MRPL13: variants seen among roughly 807,000 people sequenced by gnomAD.
MRPL13 encodes large ribosomal subunit protein uL13m.
MRPL13 carries 33 observed loss-of-function variants against 29.0 expected under a neutral mutation model. That is an observed-to-expected ratio of 1.14 (90% CI 0.86 to 1.52). MRPL13 has a LOEUF of 1.52. MRPL13 is among the 40% of genes most tolerant of loss of function. The probability of loss-of-function intolerance (pLI) is 0.00; values close to 1 mark genes in which losing one functional copy is unlikely to be tolerated. For missense variants in MRPL13, 227 were observed against 216.7 expected (o/e 1.05, Z -0.30); for synonymous variants, 77 against 68.4 (o/e 1.13, Z -0.62).
chr8:120,399,333 C>A (rs954514654), intron 6 of MRPL13, among the ~76,000 whole-genome samples: 1 of 152,108 alleles, frequency 6.6e-6, no homozygotes, highest in African/African-American at 2.4e-5. Flanking sequence ...AGATTGGGGG[C>A]CAATTTTCAA....
intron 4 of MRPL13, among the ~76,000 whole-genome samples, chr8:120,424,037 GA>G (rs913785772): frequency 1.3e-5 from 2 of 149,706 alleles, no homozygotes; most frequent in African/African-American, 4.9e-5. Flanking sequence ...AGAAAGGAGA[GA>G]AAAAAAAATC....
In MRPL13 at chr8:120,445,074, C is replaced by T. The variant is rs142551534; in HGVS notation, c.21G>A (p.Ala7=). The change falls in exon 1 of 7, where the codon GCG becomes GCA. Residue 7 remains alanine (A), a synonymous_variant. Coordinates refer to ENST00000306185, the MANE Select transcript of MRPL13 (RefSeq NM_014078.6). ...CATAAGAGTCCGAGCTCACCTGGGG[C>T]GCCCTAGAGAAACTCGACATATTCC... The part of the protein sequence containing the change: MSSFSR[A]PQQWATFARI... The T allele has an allele frequency of 1.2e-6, 2 of 1,613,836 alleles. No individual in the cohort carries two copies. The highest frequency in any genetic ancestry group is 1.3e-5 in the African/African-American group (1 of 74,880).
chr8:120,408,864 C>T (rs898577617), intron 6 of MRPL13, among the ~76,000 whole-genome samples: 5 of 152,210 alleles, frequency 3.3e-5, no homozygotes, highest in Non-Finnish European at 7.3e-5. Context: ...AATCCGTGCT[C>T]TCTTCTAGAG....
chr8:120,406,246 T>G (rs1265455372), intron 6 of MRPL13, among the ~76,000 whole-genome samples: 1 of 152,222 alleles, frequency 6.6e-6, no homozygotes, highest in Non-Finnish European at 1.5e-5. Context: ...TTTAGACATG[T>G]AATACAAAGT....
chr8:120,428,565 G>A (rs955437978), intron 3 of MRPL13, among the ~76,000 whole-genome samples: 2 of 152,100 alleles, frequency 1.3e-5, no homozygotes, highest in African/African-American at 4.8e-5. Context: ...CCTACAGAAT[G>A]GGAGAAAATT....
At chr8:120,431,290 T>C (rs1259679335) in intron 3 of MRPL13, among the ~76,000 whole-genome samples, 3 of 152,144 alleles carry the variant, frequency 2.0e-5, no homozygotes, top group Non-Finnish European at 1.5e-5. Context: ...TACACTTAAT[T>C]AAATGTGCAC....
intron 6 of MRPL13, among the ~76,000 whole-genome samples, chr8:120,407,271 G>A (rs1812680503): frequency 6.6e-6 from 1 of 152,138 alleles, no homozygotes; most frequent in Admixed American, 6.6e-5. Context: ...GGAGATTTTA[G>A]TTTGTATTAT....
At chr8:120,426,300 T>C (rs1812931444) in intron 3 of MRPL13, among the ~76,000 whole-genome samples, 1 of 152,126 alleles carries the variant, frequency 6.6e-6, no homozygotes, top group South Asian at 2.1e-4. Context: ...TTTTTCCATA[T>C]GTTCCCTTCA....
Position 120,429,718 on chromosome 8 carries a change from C to T in MRPL13, c.245+2312G>A, listed in dbSNP as rs1392155506. Among the ~76,000 whole-genome samples the T allele has an allele frequency of 2.0e-5, 3 of 152,106 alleles. No homozygotes were observed. The East Asian group carries it at 5.8e-4, about 29-fold the overall frequency. ...TGTATATACAGTTATCCCTCTCCATCTGTGGAGGACTAGTTCCAGGACCTC... is the reference window on the plus strand; with the variant it reads ...TGTATATACAGTTATCCCTCTCCATTTGTGGAGGACTAGTTCCAGGACCTC... On this transcript the variant is annotated intron_variant, in intron 3 of 6. Transcript: ENST00000306185.
At chr8:120,402,781 T>C (rs1165500189) in intron 6 of MRPL13, among the ~76,000 whole-genome samples, 1 of 151,942 alleles carries the variant, frequency 6.6e-6, no homozygotes, top group African/African-American at 2.4e-5. Flanking sequence ...GCATCTACAA[T>C]GAACTTAGGC....
At chr8:120,413,375 A>G (rs556209451) in intron 6 of MRPL13, among the ~76,000 whole-genome samples, 16 of 152,294 alleles carry the variant, frequency 1.1e-4, no homozygotes, top group African/African-American at 3.4e-4. Context: ...GAAGTGTACG[A>G]TGAGAACCCA....
At chr8:120,408,261 C>G (rs1488024766) in intron 6 of MRPL13, among the ~76,000 whole-genome samples, 2 of 152,010 alleles carry the variant, frequency 1.3e-5, no homozygotes, top group African/African-American at 4.8e-5. Context: ...AAATTTTTGC[C>G]AAATGATTTT....
intron 6 of MRPL13, among the ~76,000 whole-genome samples, chr8:120,409,511 C>T (rs1812717489): frequency 6.6e-6 from 1 of 151,936 alleles, no homozygotes; most frequent in African/African-American, 2.4e-5. Context: ...TTTAAAGCTA[C>T]AATCTTAAGC....
At chr8:120,400,341 T>C (rs897697219) in intron 6 of MRPL13, among the ~76,000 whole-genome samples, 2 of 152,052 alleles carry the variant, frequency 1.3e-5, no homozygotes, top group African/African-American at 4.8e-5. Flanking sequence ...ACCACACAAC[T>C]ATATGGAAAC....
At chr8:120,426,757 C>T (rs925625170) in intron 3 of MRPL13, among the ~76,000 whole-genome samples, 5 of 152,100 alleles carry the variant, frequency 3.3e-5, no homozygotes, top group African/African-American at 1.2e-4. Flanking sequence ...GTTTTAAATG[C>T]TAGCCAAGGG....
rs1158467072 is a variant in MRPL13 at position 120,432,128 on chromosome 8, A to G, written c.152-5T>C. On this transcript the variant is annotated splice_polypyrimidine_tract_variant and splice_region_variant and intron_variant, in intron 2 of 6. Transcript: ENST00000306185. ...CAACATGATCCCCACAGTCACCTACATTTTAAAAAGAAACAAGATTTTGTA... is the reference window on the plus strand; with the variant it reads ...CAACATGATCCCCACAGTCACCTACGTTTTAAAAAGAAACAAGATTTTGTA... 3 of 1,555,646 alleles carry G rather than the reference A, an allele frequency of 1.9e-6. No individual in the cohort carries two copies. The highest frequency in any genetic ancestry group is 2.5e-5 in the South Asian group (2 of 79,366).
intron 6 of MRPL13, among the ~76,000 whole-genome samples, chr8:120,407,812 T>A (rs375998743): frequency 3.5e-3 from 526 of 152,238 alleles, no homozygotes; most frequent in African/African-American, 0.012. Flanking sequence ...CTCAAAAAAA[T>A]TTTTTTCTTC....
intron 6 of MRPL13, among the ~76,000 whole-genome samples, chr8:120,413,640 G>T (rs1399178785): frequency 6.6e-6 from 1 of 152,130 alleles, no homozygotes; most frequent in Non-Finnish European, 1.5e-5. Context: ...CTTTTCATTA[G>T]ATAATATTTT....
intron 6 of MRPL13, among the ~76,000 whole-genome samples, chr8:120,400,459 T>C (rs1812578104): frequency 6.6e-6 from 1 of 152,088 alleles, no homozygotes; most frequent in Admixed American, 6.6e-5. Flanking sequence ...TCAGAATCTC[T>C]GAGACGCAGC....
Sources: allele counts gnomAD v4.1 joint callset (sites outside exome capture counted in the v4.1 genomes callset), GRCh38; gene constraint gnomAD v4.1.1; transcripts MANE v1.5; gene names NCBI Gene and HGNC (gene_info 2026-07-23, HGNC 2026-07-21).